REDIC1: variants seen among roughly 807,000 people sequenced by gnomAD.
REDIC1 encodes regulator of DNA class I crossover intermediates 1, also known as HEI10 Interacting Protein 1.
chr12:39,742,486 G>C, the REDIC1 span, among the ~76,000 whole-genome samples: 69 of 152,098 alleles, frequency 4.5e-4, no homozygotes, highest in African/African-American at 1.6e-3. Flanking sequence ...TAAAAATACA[G>C]CTGTCTTGGT....
the REDIC1 span, among the ~76,000 whole-genome samples, chr12:39,841,274 C>T: frequency 1.3e-3 from 202 of 152,170 alleles, 1 homozygote; most frequent in African/African-American, 4.3e-3. Context: ...TTTGCTTTTG[C>T]GATTTAACAT....
the REDIC1 span, among the ~76,000 whole-genome samples, chr12:39,897,466 G>A: frequency 6.6e-6 from 1 of 152,168 alleles, no homozygotes; most frequent in African/African-American, 2.4e-5. Flanking sequence ...ATGTTTCAAT[G>A]TTTCTACAGG....
At chr12:39,711,001 G>C in the REDIC1 span, among the ~76,000 whole-genome samples, 1 of 151,188 alleles carries the variant, frequency 6.6e-6, no homozygotes, top group East Asian at 1.9e-4. Flanking sequence ...CACCCGAGCA[G>C]TATACACCGC....
chr12:39,828,708 CTTAG>C, the REDIC1 span, among the ~76,000 whole-genome samples: 2 of 80,742 alleles, frequency 2.5e-5, no homozygotes, highest in Non-Finnish European at 4.5e-5. Context: ...CTAGTAGTAA[CTTAG>C]TTTTTTTTTT....
the REDIC1 span, chr12:39,650,214 A>C: frequency 1.9e-6 from 3 of 1,539,814 alleles, no homozygotes; most frequent in Non-Finnish European, 1.7e-6. This position sits in a 1 kb window ranked among gnomAD's most constrained non-coding sequence, Gnocchi z 4.3. Context: ...CTATTTTGGC[A>C]GTTTCTTCAA....
chr12:39,725,318 C>T, the REDIC1 span, among the ~76,000 whole-genome samples: 1 of 152,144 alleles, frequency 6.6e-6, no homozygotes, highest in Non-Finnish European at 1.5e-5. Context: ...CATGAAGGAT[C>T]TGCTCTGTAG....
At chr12:39,648,884 T>C in the REDIC1 span, among the ~76,000 whole-genome samples, 1 of 151,714 alleles carries the variant, frequency 6.6e-6, no homozygotes, top group Non-Finnish European at 1.5e-5. Flanking sequence ...TATTAAAGAC[T>C]TCCCAGATAA....
the REDIC1 span, among the ~76,000 whole-genome samples, chr12:39,635,360 A>G: frequency 6.6e-6 from 1 of 152,218 alleles, no homozygotes; most frequent in African/African-American, 2.4e-5. Context: ...TTATTGTGGC[A>G]CTATTCACAA....
the REDIC1 span, chr12:39,646,520 T>C: frequency 3.4e-6 from 5 of 1,454,656 alleles, no homozygotes; most frequent in Non-Finnish European, 4.6e-6. Flanking sequence ...AACAACACTT[T>C]TACTCACTCG....
the REDIC1 span, among the ~76,000 whole-genome samples, chr12:39,896,702 A>G: frequency 6.6e-6 from 1 of 151,982 alleles, no homozygotes; most frequent in African/African-American, 2.4e-5. Flanking sequence ...CTGCAATTTA[A>G]GACTTCAAGT....
the REDIC1 span, among the ~76,000 whole-genome samples, chr12:39,821,696 G>T: frequency 6.6e-6 from 1 of 152,136 alleles, no homozygotes; most frequent in African/African-American, 2.4e-5. Flanking sequence ...GCAAATCCTT[G>T]TTTAAAACTC....
chr12:39,664,636 C>T, the REDIC1 span, among the ~76,000 whole-genome samples: 2 of 152,150 alleles, frequency 1.3e-5, no homozygotes, highest in Non-Finnish European at 2.9e-5. Flanking sequence ...TTCTAGATCC[C>T]TGAGGAATCA....
chr12:39,793,038 A>T, the REDIC1 span, among the ~76,000 whole-genome samples: 16 of 152,252 alleles, frequency 1.1e-4, no homozygotes, highest in Admixed American at 8.5e-4. Context: ...GGTCATAAAG[A>T]TATAAAACTA....
the REDIC1 span, among the ~76,000 whole-genome samples, chr12:39,733,842 G>C: frequency 0.012 from 1,778 of 152,350 alleles, 21 homozygotes; most frequent in Non-Finnish European, 0.017. Context: ...GAAGGGCTCT[G>C]TGGGGGTGGG....
At chr12:39,830,119 C>T in the REDIC1 span, 2 of 1,613,546 alleles carry the variant, frequency 1.2e-6, no homozygotes, top group Non-Finnish European at 8.5e-7. Context: ...CAGGCTGCCT[C>T]ATTTGTAGAT....
the REDIC1 span, among the ~76,000 whole-genome samples, chr12:39,696,277 C>G: frequency 9.9e-4 from 149 of 151,080 alleles, no homozygotes; most frequent in African/African-American, 3.5e-3. Flanking sequence ...GGCGCGGTGG[C>G]TCACGCCTGT....
the REDIC1 span, among the ~76,000 whole-genome samples, chr12:39,822,141 T>G: frequency 7.0e-6 from 1 of 142,622 alleles, no homozygotes; most frequent in African/African-American, 2.6e-5. Flanking sequence ...CATTGTTCAA[T>G]TCCCACCTAT....
chr12:39,904,803 T>C, the REDIC1 span, among the ~76,000 whole-genome samples: 1 of 152,150 alleles, frequency 6.6e-6, no homozygotes, highest in African/African-American at 2.4e-5. Context: ...ACTTCTTTAG[T>C]GCATATTTGT....
chr12:39,631,082 G>A, the REDIC1 span, among the ~76,000 whole-genome samples: 1 of 152,142 alleles, frequency 6.6e-6, no homozygotes, highest in Non-Finnish European at 1.5e-5. Context: ...TAGAGATGGG[G>A]TTTTGCCATA....
Sources: gnomAD v4.1 joint callset for allele counts (sites outside exome capture counted in the v4.1 genomes callset) on GRCh38, gnomAD v4.1.1 for gene constraint, Gnocchi (gnomAD v3.1) non-coding constraint, MANE v1.5 for transcripts, NCBI Gene and HGNC (gene_info 2026-07-23, HGNC 2026-07-21) for gene names.